The following CREB3L2 variants were observed in gnomAD, a reference collection of about 807,000 sequenced individuals.
The protein encoded by CREB3L2 is cyclic AMP-responsive element-binding protein 3-like protein 2.
Under a neutral mutation model 57.2 loss-of-function variants are expected in CREB3L2, and 23 were observed. That is an observed-to-expected ratio of 0.40 (90% CI 0.29 to 0.57). The LOEUF is 0.57. Ranked by LOEUF, CREB3L2 falls within the 20% of genes least tolerant of loss-of-function variation. The probability of loss-of-function intolerance (pLI) is 0.42; values close to 1 mark genes in which losing one functional copy is unlikely to be tolerated. For synonymous variants in CREB3L2, 268 were observed against 265.1 expected (o/e 1.01, Z -0.11); for missense variants, 628 against 634.7 (o/e 0.99, Z 0.11).
chr7:137,957,847 T>G (rs1437331968), intron 1 of CREB3L2: 1 of 1,089,620 alleles, frequency 9.2e-7, no homozygotes, highest in African/African-American at 1.6e-5. Context: ...GCAAAAACAC[T>G]TCAGATGCAT....
intron 6 of CREB3L2, among the ~76,000 whole-genome samples, chr7:137,905,159 G>C (rs2117204956): frequency 6.6e-6 from 1 of 151,714 alleles, no homozygotes; most frequent in South Asian, 2.1e-4. Context: ...GAGGGGCCCA[G>C]GGGTAGGAGA....
At chr7:137,963,451 T>C (rs920616805) in intron 1 of CREB3L2, among the ~76,000 whole-genome samples, 2 of 152,240 alleles carry the variant, frequency 1.3e-5, no homozygotes, top group African/African-American at 4.8e-5. Flanking sequence ...CTTAAACTGA[T>C]TTCTAATTCA....
Position 137,880,657 on chromosome 7 carries a change from G to A in CREB3L2, c.1488-106C>T. 2.4e-6 allele frequency: 2 copies of A among 848,090 alleles called. No individual in the cohort carries two copies. The highest frequency in any genetic ancestry group is 5.1e-5 in the East Asian group (2 of 38,882). 52.5% of individuals were successfully genotyped at this position (848,090 alleles called of 1,614,324 possible). A position where few individuals can be genotyped will look rare whatever the true frequency, so the allele number is the denominator to read the frequency against. ...TCATTCAGGGGTTGCAACTTGGTGAGACGGCCTGGGCATGTTTCTTGTCCT... is the reference window on the plus strand; with the variant it reads ...TCATTCAGGGGTTGCAACTTGGTGAAACGGCCTGGGCATGTTTCTTGTCCT... On this transcript the variant is annotated intron_variant, in intron 11 of 11. Coordinates refer to ENST00000330387, the MANE Select transcript of CREB3L2 (RefSeq NM_194071.4). The surrounding 1 kb of genome is among the most constrained non-coding windows in gnomAD (Gnocchi z 4.0).
At chr7:137,939,369 G>A (rs544434203) in intron 1 of CREB3L2, among the ~76,000 whole-genome samples, 96 of 151,932 alleles carry the variant, frequency 6.3e-4, no homozygotes, top group African/African-American at 2.2e-3. Flanking sequence ...CTAACACAGA[G>A]GACTTGGAGC....
At chr7:137,960,809 CTTTTTTTT>C (rs66493086) in intron 1 of CREB3L2, among the ~76,000 whole-genome samples, 5 of 95,574 alleles carry the variant, frequency 5.2e-5, no homozygotes, top group South Asian at 3.6e-4. Context: ...TAAATTATTT[CTTTTTTTT>C]TTTTTTTTTT....
At chr7:137,937,590 C>T (rs1800812481) in intron 1 of CREB3L2, among the ~76,000 whole-genome samples, 2 of 152,180 alleles carry the variant, frequency 1.3e-5, no homozygotes, top group South Asian at 4.1e-4. Flanking sequence ...AACTCCATTA[C>T]AGTGAAATTT....
At chr7:137,926,213 C>T (rs13227113) in intron 2 of CREB3L2, among the ~76,000 whole-genome samples, 4,496 of 152,272 alleles carry the variant, frequency 0.03, 131 homozygotes, top group East Asian at 0.1. Context: ...CCATTTGACC[C>T]AGCAATCCCA....
In CREB3L2 at chr7:137,971,291, A is replaced by G. The variant is rs1002372253; in HGVS notation, c.102+30313T>C. 2.0e-5 allele frequency among the ~76,000 whole-genome samples: 3 copies of G among 152,272 alleles called. No homozygotes were observed. The East Asian group carries it at 5.8e-4, about 29-fold the overall frequency. ...CGGTGAAACCCCATCTCTACTAAAA[A>G]TACAAAAAATTAGCCGGGTGTGGTG... is the stretch of plus-strand genomic sequence containing the variant. On this transcript the variant is annotated intron_variant, in intron 1 of 11. Transcript: ENST00000330387.
chr7:137,940,715 T>C lies in CREB3L2; in HGVS notation c.103-12349A>G, dbSNP rs144656944. On this transcript the variant is annotated intron_variant, in intron 1 of 11. Transcript: ENST00000330387. ...GATCTAATGCCAAAAACATCAGGTA[T>C]GAAACACTAACGGGCGATGAAGTTT... Among the ~76,000 whole-genome samples, 267 of 152,260 alleles carry C rather than the reference T, an allele frequency of 1.8e-3. 2 individuals are homozygous for C. Among genetic ancestry groups the C allele is most frequent in the Admixed American group, 0.016 (246 of 15,302 alleles).
intron 1 of CREB3L2, among the ~76,000 whole-genome samples, chr7:137,967,636 T>C (rs1475764682): frequency 1.3e-5 from 2 of 152,182 alleles, no homozygotes; most frequent in Non-Finnish European, 2.9e-5. Context: ...TTCTGGCTCT[T>C]CGATTCTCTC....
chr7:137,954,304 T>C (rs1801164489), intron 1 of CREB3L2, among the ~76,000 whole-genome samples: 1 of 152,134 alleles, frequency 6.6e-6, no homozygotes, highest in Non-Finnish European at 1.5e-5. Context: ...GAAAGACTAG[T>C]AATCCTAGGG....
At chr7:137,903,499 A>AC (rs1554495454) in intron 7 of CREB3L2, among the ~76,000 whole-genome samples, 1 of 151,848 alleles carries the variant, frequency 6.6e-6, no homozygotes, top group Non-Finnish European at 1.5e-5. Context: ...AAAAAAAAAA[A>AC]CATGAATTGT....
At chr7:137,918,884 C>T (rs75252368) in intron 2 of CREB3L2, among the ~76,000 whole-genome samples, 3,969 of 152,236 alleles carry the variant, frequency 0.026, 173 homozygotes, top group African/African-American at 0.088. Flanking sequence ...GCCCAGTGTC[C>T]TATAGCCCTC....
intron 1 of CREB3L2, among the ~76,000 whole-genome samples, chr7:137,970,039 C>T (rs1239604039): frequency 1.3e-5 from 2 of 152,002 alleles, no homozygotes; most frequent in Non-Finnish European, 2.9e-5. Context: ...CTTGAAAGCA[C>T]TGTTATGGGG....
At chr7:137,916,729 G>A (rs1056285207) in intron 2 of CREB3L2, among the ~76,000 whole-genome samples, 4 of 151,056 alleles carry the variant, frequency 2.6e-5, no homozygotes, top group Non-Finnish European at 4.4e-5. Flanking sequence ...GAAAGAAAGA[G>A]AGAGAAAGGG....
At chr7:137,951,628 T>C (rs1034678751) in intron 1 of CREB3L2, among the ~76,000 whole-genome samples, 1 of 152,200 alleles carries the variant, frequency 6.6e-6, no homozygotes, top group African/African-American at 2.4e-5. Flanking sequence ...ATGTCTGTCA[T>C]GCATTCAAAG....
At chr7:137,939,273 C>T (rs573248458) in intron 1 of CREB3L2, among the ~76,000 whole-genome samples, 203 of 152,280 alleles carry the variant, frequency 1.3e-3, no homozygotes, top group African/African-American at 4.5e-3. Flanking sequence ...AGAATTATCC[C>T]GAGGGTAGAG....
At chr7:137,917,924 A>G (rs1035369774) in intron 2 of CREB3L2, among the ~76,000 whole-genome samples, 24 of 151,744 alleles carry the variant, frequency 1.6e-4, no homozygotes, top group African/African-American at 5.1e-4. Flanking sequence ...GTGGAAGGGG[A>G]GGGCGGGGGA....
chr7:137,881,707 G>A (rs1799295812), intron 11 of CREB3L2, among the ~76,000 whole-genome samples: 1 of 152,154 alleles, frequency 6.6e-6, no homozygotes, highest in African/African-American at 2.4e-5. Flanking sequence ...CACCAACCAT[G>A]TCACACGTAA....
Sources: gnomAD v4.1 joint callset for allele counts (sites outside exome capture counted in the v4.1 genomes callset) on GRCh38, gnomAD v4.1.1 for gene constraint, Gnocchi (gnomAD v3.1) non-coding constraint, MANE v1.5 for transcripts, NCBI Gene and HGNC (gene_info 2026-07-23, HGNC 2026-07-21) for gene names.